Variants in GBE1 observed in about 807,000 individuals in gnomAD.
GBE1 encodes 1,4-alpha-glucan-branching enzyme.
GBE1 carries 70 observed loss-of-function variants against 88.8 expected under a neutral mutation model. The observed-to-expected ratio is 0.79, with a 90% confidence interval of 0.65 to 0.96. The LOEUF (loss-of-function observed/expected upper bound fraction) is 0.96, where lower values mean the gene tolerates loss of function less well. Ranked by LOEUF, GBE1 falls within the 40% of genes least tolerant of loss-of-function variation. The probability of loss-of-function intolerance (pLI) is 0.00; values close to 1 mark genes in which losing one functional copy is unlikely to be tolerated. For missense variants in GBE1, 872 were observed against 871.0 expected (o/e 1.00, Z -0.01); for synonymous variants, 284 against 300.1 (o/e 0.95, Z 0.56).
intron 7 of GBE1, among the ~76,000 whole-genome samples, chr3:81,613,337 C>T (rs767667299): frequency 2.0e-5 from 3 of 151,912 alleles, no homozygotes; most frequent in Non-Finnish European, 4.4e-5. Flanking sequence ...ATCAACACCC[C>T]CAAGCTCTGT....
chr3:81,526,398 G>A lies in GBE1; in HGVS notation c.1934+8797C>T, dbSNP rs536534831. Among the ~76,000 whole-genome samples the A allele has an allele frequency of 9.9e-5, 15 of 152,142 alleles. No homozygotes were observed. The East Asian group carries it at 1.9e-3, about 20-fold the overall frequency. ...CAATCAGGCAGGAGAAAGAAATAAA[G>A]GGTAATCAATTAGGAAAAGAGGAAG... On this transcript the variant is annotated intron_variant, in intron 14 of 15. Transcript: ENST00000429644.
chr3:81,755,674 A>G (rs1320837650), intron 1 of GBE1, among the ~76,000 whole-genome samples: 1 of 152,132 alleles, frequency 6.6e-6, no homozygotes, highest in Non-Finnish European at 1.5e-5. Context: ...TTGCAGCAAC[A>G]TGGATGGAAC....
chr3:81,568,433 T>C (rs999957571), intron 12 of GBE1, among the ~76,000 whole-genome samples: 2 of 151,968 alleles, frequency 1.3e-5, no homozygotes, highest in Non-Finnish European at 2.9e-5. Context: ...ATTTTAACAA[T>C]GTTTTTGTTT....
chr3:81,681,060 A>G (rs1272985652), intron 2 of GBE1, among the ~76,000 whole-genome samples: 2 of 152,248 alleles, frequency 1.3e-5, no homozygotes, highest in Non-Finnish European at 2.9e-5. Flanking sequence ...GTAATCTCTC[A>G]GTAACAGTAA....
intron 9 of GBE1, among the ~76,000 whole-genome samples, chr3:81,589,284 T>C (rs1703843147): frequency 6.6e-6 from 1 of 151,960 alleles, no homozygotes; most frequent in Non-Finnish European, 1.5e-5. Context: ...CAAAATAAGG[T>C]TGCAATTTTT....
intron 7 of GBE1, among the ~76,000 whole-genome samples, chr3:81,632,446 G>A (rs1479285810): frequency 2.6e-5 from 4 of 151,822 alleles, no homozygotes; most frequent in African/African-American, 9.7e-5. Context: ...GGCCAACAAA[G>A]ATGAAAAAAA....
intron 14 of GBE1, among the ~76,000 whole-genome samples, chr3:81,509,321 A>T (rs1291843596): frequency 6.7e-6 from 1 of 149,602 alleles, no homozygotes; most frequent in East Asian, 1.9e-4. Context: ...TATAAAAAAG[A>T]AGGTACTTCT....
At chr3:81,528,792 T>C (rs1208343222) in intron 14 of GBE1, among the ~76,000 whole-genome samples, 1 of 152,094 alleles carries the variant, frequency 6.6e-6, no homozygotes, top group Non-Finnish European at 1.5e-5. Flanking sequence ...ATGCAGCTAC[T>C]CTTGCTGTTT....
At chr3:81,543,245 TA>T (rs1461957479) in intron 12 of GBE1, among the ~76,000 whole-genome samples, 1 of 152,084 alleles carries the variant, frequency 6.6e-6, no homozygotes, top group Non-Finnish European at 1.5e-5. Flanking sequence ...GGCCTCTTTT[TA>T]GACTGAAAAA....
At chr3:81,556,730 G>A (rs991548063) in intron 12 of GBE1, among the ~76,000 whole-genome samples, 2 of 152,064 alleles carry the variant, frequency 1.3e-5, no homozygotes, top group African/African-American at 4.8e-5. Context: ...TTATATTGCA[G>A]TTTTACGCTT....
At chr3:81,500,636 G>A (rs895964300) in intron 14 of GBE1, among the ~76,000 whole-genome samples, 3 of 152,264 alleles carry the variant, frequency 2.0e-5, no homozygotes, top group African/African-American at 7.2e-5. Flanking sequence ...AAAAGCAATG[G>A]TTCCCAACCT....
At chr3:81,534,038 GGTTTCTTTATT>G (rs1292196314) in intron 14 of GBE1, among the ~76,000 whole-genome samples, 1 of 151,974 alleles carries the variant, frequency 6.6e-6, no homozygotes, top group Non-Finnish European at 1.5e-5. Flanking sequence ...TGAGTAGGAG[GGTTTCTTTATT>G]GTAGCTGGAG....
Position 81,579,343 on chromosome 3 carries a change from G to A in GBE1, c.1447-1247C>T, listed in dbSNP as rs1429259968. ...GTACATTTGCTTTTAGAAAGAACTA[G>A]GCAACTTGCATTATTTCTGCTATCC... is the stretch of plus-strand genomic sequence containing the variant. On this transcript the variant is annotated intron_variant, in intron 11 of 15. Coordinates refer to ENST00000429644, the MANE Select transcript of GBE1 (RefSeq NM_000158.4). Among the ~76,000 whole-genome samples, 3 of 151,856 alleles carry A rather than the reference G, an allele frequency of 2.0e-5. No homozygotes were observed. The East Asian group carries it at 5.8e-4, about 29-fold the overall frequency.
At chr3:81,613,800 C>T (rs984293600) in intron 7 of GBE1, among the ~76,000 whole-genome samples, 11 of 152,158 alleles carry the variant, frequency 7.2e-5, no homozygotes, top group African/African-American at 2.7e-4. Flanking sequence ...TTAACATTCT[C>T]TATTGTAATT....
chr3:81,538,893 G>A (rs768089982), intron 12 of GBE1, among the ~76,000 whole-genome samples: 1 of 151,974 alleles, frequency 6.6e-6, no homozygotes, highest in Admixed American at 6.6e-5. Flanking sequence ...GACAGCCGTG[G>A]ATCTCTGGGT....
intron 14 of GBE1, among the ~76,000 whole-genome samples, chr3:81,508,794 G>T (rs1702687594): frequency 6.6e-6 from 1 of 152,088 alleles, no homozygotes; most frequent in African/African-American, 2.4e-5. Flanking sequence ...ACTAAAATAT[G>T]GTGAGTATCT....
chr3:81,657,980 T>C (rs550269759), intron 3 of GBE1, among the ~76,000 whole-genome samples: 1 of 152,268 alleles, frequency 6.6e-6, no homozygotes, highest in East Asian at 1.9e-4. Context: ...GAAAAGAAGA[T>C]ATCCTGGCTA....
chr3:81,695,829 A>G (rs1405331008), intron 2 of GBE1, among the ~76,000 whole-genome samples: 2 of 152,206 alleles, frequency 1.3e-5, no homozygotes, highest in East Asian at 3.8e-4. Flanking sequence ...AAAGTGTGGT[A>G]TTATTTTCAG....
intron 14 of GBE1, among the ~76,000 whole-genome samples, chr3:81,520,373 T>C (rs1370448507): frequency 6.6e-6 from 1 of 151,560 alleles, no homozygotes; most frequent in Non-Finnish European, 1.5e-5. Flanking sequence ...GAATACTTTA[T>C]AAAAATGATT....
Sources: gnomAD v4.1 joint callset for allele counts (sites outside exome capture counted in the v4.1 genomes callset) on GRCh38, gnomAD v4.1.1 for gene constraint, MANE v1.5 for transcripts, NCBI Gene and HGNC (gene_info 2026-07-23, HGNC 2026-07-21) for gene names.